GLG1: variants seen among roughly 807,000 people sequenced by gnomAD.
GLG1 encodes golgi glycoprotein 1, also known as Golgi apparatus protein 1.
A neutral mutation model predicts 160.5 loss-of-function variants in GLG1; 38 were observed. That is an observed-to-expected ratio of 0.24 (90% confidence interval 0.18 to 0.31). The LOEUF (loss-of-function observed/expected upper bound fraction) is 0.31. Among genes scored for constraint, GLG1 ranks in the 10% least tolerant of loss-of-function variants. The pLI is 1.00. For synonymous variants in GLG1, 644 were observed against 543.4 expected, an observed-to-expected ratio of 1.19 and a Z score of -2.57; for missense variants, 1,373 against 1,505.2, an observed-to-expected ratio of 0.91 and a Z score of 1.45.
rs1259480650 is a variant in GLG1 at position 74,606,996 on chromosome 16, C to G, written c.99G>C (p.Gln33His). Residue 33 changes from glutamine (Q) to histidine (H), a missense_variant, in exon 1 of 26, where the codon CAG (glutamine) becomes CAC (histidine). Gln to His is a conservative substitution (Grantham distance 24). This residue lies in a region of GLG1 where 322 missense variants were observed against 254.6 expected (regional missense o/e 1.26). Coordinates refer to ENST00000422840, the MANE Select transcript of GLG1 (RefSeq NM_001145667.2). ...FAAGAEKLPG[Q>H]GVHSQGQGPG... ...GACCCTGGCCCTGGCTGTGGACGCC[C>G]TGGCCGGGGAGTTTCTCGGCCCCGG... 6.2e-7 allele frequency: 1 copy of G among 1,605,738 alleles called. No individual in the cohort carries two copies. Among genetic ancestry groups the G allele is most frequent in the Admixed American group, 1.7e-5 (1 of 59,110 alleles).
chr16:74,470,008 C>T lies in GLG1; in HGVS notation c.2295G>A (p.Lys765=). ...ACTTCTTTTTTATGTTTGGGCAAAG[C>T]TTCAACACGTCCTCCTTGCAGGCCA... The part of the protein sequence containing the change: ...FKMACKEDVL[K]LCPNIKKKVD... The change falls in exon 16 of 26, where the codon AAG becomes AAA. Residue 765 remains lysine, a synonymous_variant. Coordinates refer to ENST00000422840, the MANE Select transcript of GLG1 (RefSeq NM_001145667.2). The T allele has an allele frequency of 6.2e-7, 1 of 1,605,886 alleles. No homozygotes were observed. Among genetic ancestry groups the T allele is most frequent in the South Asian group, 1.1e-5 (1 of 90,934 alleles).
At chr16:74,472,820 T>C in intron 13 of GLG1, 1 of 336,384 alleles carries the variant, frequency 3.0e-6, no homozygotes, top group South Asian at 2.4e-5. Flanking sequence ...TCAAAGCAGA[T>C]GCCAAACCAC....
intron 1 of GLG1, among the ~76,000 whole-genome samples, chr16:74,594,336 T>C (rs1479924589): frequency 1.3e-5 from 2 of 152,220 alleles, no homozygotes; most frequent in African/African-American, 4.8e-5. Context: ...ATTATAGGTG[T>C]TATTCAAGCC....
At chr16:74,466,162 G>C (rs2014993860) in intron 18 of GLG1, among the ~76,000 whole-genome samples, 1 of 152,182 alleles carries the variant, frequency 6.6e-6, no homozygotes, top group Admixed American at 6.5e-5. Context: ...GCTCCGACTA[G>C]ACAGTGGGCA....
At position 74,589,191 on chromosome 16, in the gene GLG1, G is replaced by T. The variant is rs1244961632; in HGVS notation, c.438+17466C>A. 2.0e-5 allele frequency among the ~76,000 whole-genome samples: 3 copies of T among 151,736 alleles called. No individual in the cohort carries two copies. In the East Asian group the frequency reaches 5.8e-4, roughly 29 times the overall value. Reference sequence around the variant, plus strand: ...AATCACTTGAACCCAGGAGGCAGAGGTTGCAGTGAGCCAAGATTGCGCCAC... The same window carrying T: ...AATCACTTGAACCCAGGAGGCAGAGTTTGCAGTGAGCCAAGATTGCGCCAC... On this transcript the variant is annotated intron_variant, in intron 1 of 25. Transcript: ENST00000422840.
chr16:74,486,989 C>T (rs1424043800), intron 8 of GLG1, among the ~76,000 whole-genome samples: 2 of 151,134 alleles, frequency 1.3e-5, no homozygotes, highest in African/African-American at 2.4e-5. Flanking sequence ...TCTCTGCTCA[C>T]TGCAACCTCC....
intron 3 of GLG1, among the ~76,000 whole-genome samples, chr16:74,504,106 C>CA (rs1038533847): frequency 2.6e-5 from 4 of 152,006 alleles, no homozygotes; most frequent in Admixed American, 2.0e-4. Context: ...TGTAACCATG[C>CA]AAAAAATGCA....
intron 8 of GLG1, among the ~76,000 whole-genome samples, chr16:74,490,709 C>A (rs1183701416): frequency 2.0e-5 from 3 of 152,194 alleles, no homozygotes; most frequent in Admixed American, 6.5e-5. Context: ...TTTAGGAAAT[C>A]CAGTCTAGCA....
At chr16:74,455,573 C>G (rs1379107753) in intron 25 of GLG1, among the ~76,000 whole-genome samples, 1 of 152,198 alleles carries the variant, frequency 6.6e-6, no homozygotes, top group African/African-American at 2.4e-5. Context: ...GGAGCCCTCC[C>G]TTGTACCTTC....
chr16:74,597,909 A>G (rs1040469711), intron 1 of GLG1, among the ~76,000 whole-genome samples: 2 of 149,492 alleles, frequency 1.3e-5, no homozygotes, highest in African/African-American at 2.5e-5. Flanking sequence ...CTAGCTACTC[A>G]TGAGGCTGAG....
intron 1 of GLG1, among the ~76,000 whole-genome samples, chr16:74,576,778 TTTA>T (rs1258104871): frequency 3.3e-5 from 5 of 152,220 alleles, no homozygotes; most frequent in East Asian, 1.9e-4. Context: ...AGAAAAAATT[TTTA>T]TTGTTTTCAT....
At position 74,451,862 on chromosome 16, in the gene GLG1, C is replaced by T. The variant is rs2014318780; in HGVS notation, c.*1305G>A. ...ATATTGCTTCTATAAAGCCCATATT[C>T]TGCAAAGGTTGATGAATCGCCAAAA... On this transcript the variant is annotated 3_prime_UTR_variant, in exon 26 of 26. Coordinates refer to ENST00000422840, the MANE Select transcript of GLG1 (RefSeq NM_001145667.2). The T allele has an allele frequency of 1.8e-6, 1 of 561,938 alleles. No homozygotes were observed. Among genetic ancestry groups the T allele is most frequent in the East Asian group, 3.0e-5 (1 of 33,662 alleles). The allele number at this position is 561,938 out of a possible 1,614,324, so 34.8% of individuals were successfully genotyped here.
intron 4 of GLG1, among the ~76,000 whole-genome samples, chr16:74,500,878 T>C (rs998832020): frequency 2.6e-5 from 4 of 152,232 alleles, no homozygotes; most frequent in African/African-American, 9.6e-5. Flanking sequence ...CCTTTATTAA[T>C]GTATCTTCTT....
chr16:74,535,107 T>A (rs1471029031), intron 1 of GLG1, among the ~76,000 whole-genome samples: 1 of 152,014 alleles, frequency 6.6e-6, no homozygotes, highest in Non-Finnish European at 1.5e-5. Flanking sequence ...AGCAAAGCCA[T>A]CTCGAATAAC....
rs111456193 is a variant in GLG1, at chr16:74,507,437, T to TA, written c.558+1401dup. ...ATATGTATCTCTCCAATGTGTTTTT[T>TA]AAAAAAAAACTACTTATGGCCGGGC... On this transcript the variant is annotated intron_variant, in intron 3 of 25. Transcript: ENST00000422840. Among the ~76,000 whole-genome samples, 161 of 151,788 alleles carry TA rather than the reference T, an allele frequency of 1.1e-3. 2 individuals carry two copies. Among genetic ancestry groups the TA allele is most frequent in the African/African-American group, 3.3e-3 (137 of 41,388 alleles).
chr16:74,566,141 A>C (rs769665577), intron 1 of GLG1, among the ~76,000 whole-genome samples: 1 of 152,174 alleles, frequency 6.6e-6, no homozygotes, highest in Non-Finnish European at 1.5e-5. Context: ...CTCACTCATA[A>C]CGTCAACTTT....
At chr16:74,495,234 G>A (rs1354845958) in intron 5 of GLG1, among the ~76,000 whole-genome samples, 1 of 150,694 alleles carries the variant, frequency 6.6e-6, no homozygotes, top group African/African-American at 2.4e-5. Flanking sequence ...CTGCCTCAGA[G>A]CCCCAAGTAG....
intron 1 of GLG1, among the ~76,000 whole-genome samples, chr16:74,545,500 G>C (rs1477420): frequency 0.94 from 143,691 of 152,326 alleles, 67,987 homozygotes; most frequent in East Asian, 1. Flanking sequence ...CCAAGTTTTC[G>C]AAGCCCAGAA....
intron 2 of GLG1, among the ~76,000 whole-genome samples, chr16:74,516,705 C>T (rs1319363786): frequency 4.6e-5 from 7 of 152,028 alleles, no homozygotes; most frequent in Admixed American, 6.6e-5. Flanking sequence ...TAACTAAGAT[C>T]GGAGCAGAAC....
Sources: allele counts gnomAD v4.1 joint callset (sites outside exome capture counted in the v4.1 genomes callset), GRCh38; gene constraint gnomAD v4.1.1; regional missense constraint gnomAD v4.1.1; transcripts MANE v1.5; gene names NCBI Gene and HGNC (gene_info 2026-07-23, HGNC 2026-07-21).